The following RPAP3 variants were observed in gnomAD, a reference collection of about 807,000 sequenced individuals.
The protein encoded by RPAP3 is RNA polymerase II-associated protein 3.
A neutral mutation model predicts 88.8 loss-of-function variants in RPAP3; 58 were observed. That is an observed-to-expected ratio of 0.65 (90% CI 0.53 to 0.81). The LOEUF (loss-of-function observed/expected upper bound fraction) is 0.81, where lower values mean the gene tolerates loss of function less well. Among genes scored for constraint, RPAP3 ranks in the 40% least tolerant of loss-of-function variants. The pLI, the probability that RPAP3 is intolerant of heterozygous loss-of-function variation, is 0.00. For synonymous variants in RPAP3, 255 were observed against 259.9 expected, an observed-to-expected ratio of 0.98 and a Z score of 0.18; for missense variants, 751 against 764.3, an observed-to-expected ratio of 0.98 and a Z score of 0.20.
At chr12:47,702,149 T>C (rs893130198) in intron 2 of RPAP3, among the ~76,000 whole-genome samples, 9 of 152,206 alleles carry the variant, frequency 5.9e-5, no homozygotes, top group African/African-American at 2.2e-4. Flanking sequence ...TACCTCTAAG[T>C]ATTATCACAT....
At chr12:47,693,793 A>C (rs1020148462) in intron 5 of RPAP3, among the ~76,000 whole-genome samples, 2 of 152,218 alleles carry the variant, frequency 1.3e-5, no homozygotes, top group Admixed American at 1.3e-4. Context: ...AACTCAAAAC[A>C]ATCTAGAGAC....
chr12:47,701,420 A>G (rs763347721), intron 3 of RPAP3, 44 bp downstream of exon 3: 12 of 1,474,432 alleles, frequency 8.1e-6, no homozygotes, highest in Non-Finnish European at 1.1e-5. Context: ...ACTCCCAGAA[A>G]ATTTTACTCA....
chr12:47,696,359 G>A lies in RPAP3; in HGVS notation c.462C>T (p.Asp154=). ...FKQGKYDEAI[D]CYTKGMDADP... is the part of the protein sequence containing the mutation. ...CGGCATCCATGCCTTTTGTGTAGCA[G>A]TCAATTGCTTCATCATATTTTCCTT... Residue 154 remains aspartate, a synonymous_variant, in exon 5 of 17, where the codon GAC becomes GAT. Transcript: ENST00000005386. The A allele has an allele frequency of 6.3e-7, 1 of 1,599,682 alleles. No homozygotes were observed. Among genetic ancestry groups the A allele is most frequent in the Non-Finnish European group, 8.5e-7 (1 of 1,171,392 alleles).
Position 47,667,042 on chromosome 12 carries a change from C to A in RPAP3, c.1850G>T (p.Arg617Ile). ...ATCAAACCTTTTTAGTTCAGAAAGT[C>A]TTTGTAAGATTTCAAAGATGAGTAA... Reference protein sequence around the residue: ...KPLLIFEILQRLSELKRFDMA... With the variant: ...KPLLIFEILQILSELKRFDMA... Residue 617 changes from arginine (R) to isoleucine (I), a missense_variant, in exon 16 of 17, where the codon AGA (arginine) becomes ATA (isoleucine). Transcript: ENST00000005386. 6.6e-7 allele frequency: 1 copy of A among 1,516,654 alleles called. No individual in the cohort carries two copies. The highest frequency in any genetic ancestry group is 8.8e-7 in the Non-Finnish European group (1 of 1,138,554). The allele number at this position is 1,516,654 out of a possible 1,614,324, so 93.9% of individuals were successfully genotyped here.
At chr12:47,696,144 G>C in intron 5 of RPAP3, 132 bp downstream of exon 5, 1 of 734,142 alleles carries the variant, frequency 1.4e-6, no homozygotes, top group Non-Finnish European at 2.0e-6. Flanking sequence ...TGAGCTATAA[G>C]AATTTACAGT....
chr12:47,685,826 G>A (rs1325342200), intron 9 of RPAP3, among the ~76,000 whole-genome samples: 1 of 151,762 alleles, frequency 6.6e-6, no homozygotes, highest in Non-Finnish European at 1.5e-5. Context: ...ATAAGCAGCA[G>A]GTTAAATTTG....
chr12:47,679,908 C>G, intron 10 of RPAP3, 134 bp from the exon 11 acceptor site: 3 of 617,620 alleles, frequency 4.9e-6, no homozygotes, highest in Non-Finnish European at 8.6e-6. Flanking sequence ...TACTAGGAAA[C>G]AGGTGAGCTA....
At chr12:47,683,812 C>T (rs766477548) in intron 9 of RPAP3, among the ~76,000 whole-genome samples, 1 of 152,202 alleles carries the variant, frequency 6.6e-6, no homozygotes, top group Non-Finnish European at 1.5e-5. Flanking sequence ...GTCAGGTCCA[C>T]TTGCCCTAGG....
chr12:47,698,210 C>A (rs1939575750), intron 3 of RPAP3, among the ~76,000 whole-genome samples: 1 of 152,082 alleles, frequency 6.6e-6, no homozygotes, highest in South Asian at 2.1e-4. Flanking sequence ...GGTATAATTA[C>A]CCATGTTTTT....
At position 47,696,413 on chromosome 12, in the gene RPAP3, A is replaced by G; in HGVS notation, c.418-10T>C. ...TGAAGTATTTATTGCCCTGAAAGAA[A>G]ATTATATAAAATGATCTTTTTTACA... On this transcript the variant is annotated splice_polypyrimidine_tract_variant and intron_variant, in intron 4 of 16. Coordinates refer to ENST00000005386, the MANE Select transcript of RPAP3 (RefSeq NM_024604.3). 1 of 1,537,684 alleles carries G rather than the reference A, an allele frequency of 6.5e-7. No individual in the cohort carries two copies. The highest frequency in any genetic ancestry group is 1.2e-5 in the South Asian group (1 of 80,954).
rs1939676475 is a variant in RPAP3 at position 47,702,560 on chromosome 12, AAG to A, written c.153+126_153+127del. Reference sequence around the variant, plus strand: ...AGAGCAAGACTCCATCACAAAAAAAAAGAAAAGAAAATTGACAGTGAAGCAAG... The same window carrying A: ...AGAGCAAGACTCCATCACAAAAAAAAAAAAGAAAATTGACAGTGAAGCAAG... On this transcript the variant is annotated intron_variant, in intron 2 of 16. Transcript: ENST00000005386. The A allele has an allele frequency of 3.6e-6, 3 of 828,516 alleles. No individual in the cohort carries two copies. The Admixed American group carries it at 9.5e-5, about 26-fold the overall frequency. The allele number at this position is 828,516 out of a possible 1,614,324, so 51.3% of individuals were successfully genotyped here. A position where few individuals can be genotyped will look rare whatever the true frequency, so the allele number is the denominator to read the frequency against.
intron 10 of RPAP3, among the ~76,000 whole-genome samples, chr12:47,681,159 T>C (rs1290702741): frequency 1.3e-5 from 2 of 152,228 alleles, no homozygotes; most frequent in South Asian, 2.1e-4. Context: ...ACTTTTCCCT[T>C]TCCTTCCACT....
At chr12:47,674,330 GC>G (rs1292399328) in intron 12 of RPAP3, among the ~76,000 whole-genome samples, 1 of 152,118 alleles carries the variant, frequency 6.6e-6, no homozygotes, top group Non-Finnish European at 1.5e-5. Flanking sequence ...AAAAATCAGA[GC>G]ACCTATTCTC....
rs1592464586 is a variant in RPAP3 at position 47,663,716 on chromosome 12, A to T, written c.1913-126T>A. The T allele has an allele frequency of 1.0e-5, 5 of 483,274 alleles. No homozygotes were observed. In the East Asian group the frequency reaches 1.4e-4, roughly 13 times the overall value. 29.9% of individuals were successfully genotyped at this position (483,274 alleles called of 1,614,324 possible). ...TTTTAAAGCAATACATAGGTTTATA[A>T]ATTCTAATTCAGATATTTAAAAAGC... On this transcript the variant is annotated intron_variant, in intron 16 of 16. Transcript: ENST00000005386.
At chr12:47,682,483 T>A (rs2136624778) in intron 9 of RPAP3, among the ~76,000 whole-genome samples, 1 of 152,278 alleles carries the variant, frequency 6.6e-6, no homozygotes, top group East Asian at 1.9e-4. Context: ...GGAGTGCTAA[T>A]GGTTGTGGTT....
chr12:47,674,791 G>A (rs1352256314), intron 12 of RPAP3, among the ~76,000 whole-genome samples: 1 of 152,178 alleles, frequency 6.6e-6, no homozygotes, highest in African/African-American at 2.4e-5. Flanking sequence ...TGAAAGTGAT[G>A]GGGAGAATGG....
chr12:47,693,127 C>T (rs565958175), intron 5 of RPAP3, among the ~76,000 whole-genome samples: 8 of 152,212 alleles, frequency 5.3e-5, no homozygotes, highest in Middle Eastern at 3.4e-3. Context: ...GTGATCCGCC[C>T]GCCTCAGCCT....
At chr12:47,704,645 TG>T (rs1555183977) in intron 1 of RPAP3, among the ~76,000 whole-genome samples, 2 of 151,884 alleles carry the variant, frequency 1.3e-5, no homozygotes, top group Admixed American at 6.5e-5. Context: ...CCCAAAGTGC[TG>T]GGATTATAGG....
rs755707813 is a variant in RPAP3 at position 47,702,742 on chromosome 12, T to G, written c.99A>C (p.Lys33Asn). ...DFMRDLENWEKDIKQKDMELR... is the reference protein window; with the variant it reads ...DFMRDLENWENDIKQKDMELR... ...GTTCCATATCCTTTTGTTTAATGTC[T>G]TTTTCCCAGTTTTCTAAATCCCGCA... is the stretch of plus-strand genomic sequence containing the variant. The change falls in exon 2 of 17, where the codon AAA (lysine) becomes AAC (asparagine). Residue 33 changes from lysine to asparagine, a missense_variant. Physicochemically the swap from Lys to Asn is moderately conservative, Grantham distance 94. Transcript: ENST00000005386. 1 of 1,611,358 alleles carries G rather than the reference T, an allele frequency of 6.2e-7. No homozygotes were observed. Among genetic ancestry groups the G allele is most frequent in the Non-Finnish European group, 8.5e-7 (1 of 1,177,998 alleles).
Sources: allele counts gnomAD v4.1 joint callset (sites outside exome capture counted in the v4.1 genomes callset), GRCh38; gene constraint gnomAD v4.1.1; transcripts MANE v1.5; gene names NCBI Gene and HGNC (gene_info 2026-07-23, HGNC 2026-07-21).